Variants in NRP1 observed in about 807,000 individuals in gnomAD.
NRP1 encodes neuropilin-1.
A neutral mutation model predicts 106.7 loss-of-function variants in NRP1; 35 were observed. The observed-to-expected ratio is 0.33, with a 90% CI of 0.25 to 0.43. The LOEUF is 0.43. NRP1 is among the 20% of genes least tolerant of loss of function. The pLI, the probability that NRP1 is intolerant of heterozygous loss-of-function variation, is 1.00. For synonymous variants in NRP1, 437 were observed against 417.9 expected (o/e 1.05, Z -0.56); for missense variants, 1,024 against 1,170.4 (o/e 0.87, Z 1.83).
chr10:33,253,989 T>C (rs763474263), intron 6 of NRP1, 39 bp downstream of exon 6: 1 of 1,556,344 alleles, frequency 6.4e-7, no homozygotes, highest in East Asian at 2.3e-5. Flanking sequence ...GGTCAAAAAC[T>C]TATTCAATCC....
At chr10:33,277,839 A>G (rs1257738707) in intron 2 of NRP1, among the ~76,000 whole-genome samples, 5 of 152,244 alleles carry the variant, frequency 3.3e-5, no homozygotes, top group African/African-American at 1.2e-4. Flanking sequence ...TTTCCTATAT[A>G]TATTTTTCAC....
At chr10:33,203,789 G>A (rs540193294) in intron 10 of NRP1, among the ~76,000 whole-genome samples, 3 of 75,986 alleles carry the variant, frequency 3.9e-5, no homozygotes, top group Non-Finnish European at 5.6e-5. Flanking sequence ...GCCGGACTGC[G>A]GACTGCAGTG....
chr10:33,248,098 G>T (rs35359173), intron 6 of NRP1, among the ~76,000 whole-genome samples: 26,816 of 152,114 alleles, frequency 0.18, 2,793 homozygotes, highest in East Asian at 0.51. Context: ...GACCAGCCTG[G>T]CCAACATGGG....
chr10:33,238,241 T>A (rs1420041272), intron 6 of NRP1, among the ~76,000 whole-genome samples: 2 of 152,246 alleles, frequency 1.3e-5, no homozygotes, highest in Non-Finnish European at 2.9e-5. Flanking sequence ...TCTGTGGATG[T>A]CTACATTTAA....
chr10:33,315,010 T>C (rs1222605521), intron 2 of NRP1, among the ~76,000 whole-genome samples: 4 of 152,208 alleles, frequency 2.6e-5, no homozygotes, highest in African/African-American at 9.7e-5. Flanking sequence ...AGCCCAGATG[T>C]GAATATACAA....
At chr10:33,236,918 G>A (rs963499577) in intron 6 of NRP1, among the ~76,000 whole-genome samples, 4 of 152,092 alleles carry the variant, frequency 2.6e-5, no homozygotes, top group African/African-American at 4.8e-5. Flanking sequence ...TAACTGTCCC[G>A]CAGACAGGTT....
intron 2 of NRP1, among the ~76,000 whole-genome samples, chr10:33,326,445 C>CA (rs1456106908): frequency 6.6e-6 from 1 of 152,014 alleles, no homozygotes. Flanking sequence ...ATTTTGCTGG[C>CA]AAAAAAGAAA....
chr10:33,309,932 C>T (rs1206751479), intron 2 of NRP1, among the ~76,000 whole-genome samples: 1 of 150,062 alleles, frequency 6.7e-6, no homozygotes, highest in Non-Finnish European at 1.5e-5. Context: ...ATAGGACCTA[C>T]TCTCTTGCTG....
Position 33,179,761 on chromosome 10 carries a change from G to C in NRP1, c.*315C>G, listed in dbSNP as rs1255537263. 3.5e-6 allele frequency: 1 copy of C among 285,276 alleles called. No individual in the cohort carries two copies. Among genetic ancestry groups the C allele is most frequent in the Non-Finnish European group, 6.6e-6 (1 of 151,350 alleles). 17.7% of individuals were successfully genotyped at this position (285,276 alleles called of 1,614,324 possible). A position where few individuals can be genotyped will look rare whatever the true frequency, so the allele number is the denominator to read the frequency against. On this transcript the variant is annotated 3_prime_UTR_variant, in exon 17 of 17. Coordinates refer to ENST00000374867, the MANE Select transcript of NRP1 (RefSeq NM_003873.7). Reference sequence around the variant, plus strand: ...TCAGTTTCCAAAAAGAATCCACAAAGGGGAGAGGAGAGAGAGAGAGAGGGG... The same window carrying C: ...TCAGTTTCCAAAAAGAATCCACAAACGGGAGAGGAGAGAGAGAGAGAGGGG...
In NRP1 at chr10:33,226,160, T is replaced by C. The variant is rs766440717; in HGVS notation, c.1111A>G (p.Thr371Ala). 9 of 1,614,096 alleles carry C rather than the reference T, an allele frequency of 5.6e-6. No homozygotes were observed. The highest frequency in any genetic ancestry group is 6.8e-6 in the Non-Finnish European group (8 of 1,180,026). The change falls in exon 7 of 17, where the codon ACC (threonine) becomes GCC (alanine). Residue 371 changes from threonine (T) to alanine (A), a missense_variant. Thr to Ala is a moderately conservative substitution (Grantham distance 58). Coordinates refer to ENST00000374867, the MANE Select transcript of NRP1 (RefSeq NM_003873.7). ...DVSSNGEDWI[T>A]IKEGNKPVLF... Reference sequence around the variant, plus strand: ...ACAGGTTTGTTTCCTTCTTTTATGGTGATCCAGTCTTCCCCGTTGGAGCTA... The same window carrying C: ...ACAGGTTTGTTTCCTTCTTTTATGGCGATCCAGTCTTCCCCGTTGGAGCTA...
At chr10:33,201,009 G>A (rs1837259493) in intron 11 of NRP1, 1 of 152,090 alleles carries the variant, frequency 6.6e-6, no homozygotes, top group Non-Finnish European at 1.5e-5. Flanking sequence ...GCTGATCTGG[G>A]AATAACTCTT....
At chr10:33,183,035 A>G (rs1355336547) in intron 15 of NRP1, among the ~76,000 whole-genome samples, 1 of 152,200 alleles carries the variant, frequency 6.6e-6, no homozygotes, top group Non-Finnish European at 1.5e-5. Context: ...CTGTTGTTTT[A>G]GGAGACAAGG....
intron 16 of NRP1, among the ~76,000 whole-genome samples, chr10:33,181,462 C>G (rs936367766): frequency 6.6e-6 from 1 of 152,118 alleles, no homozygotes; most frequent in East Asian, 1.9e-4. Context: ...GAGTAGGATC[C>G]CATTTCTAAG....
chr10:33,191,786 G>A (rs1405432433), intron 13 of NRP1, among the ~76,000 whole-genome samples: 9 of 151,910 alleles, frequency 5.9e-5, no homozygotes, highest in Non-Finnish European at 7.4e-5. Context: ...AGACCAGCCC[G>A]GCCAATGTGG....
chr10:33,267,905 T>C lies in NRP1; in HGVS notation c.430+2770A>G, dbSNP rs143243090. 2.0e-3 allele frequency among the ~76,000 whole-genome samples: 297 copies of C among 152,242 alleles called. 1 individual carries two copies. Among genetic ancestry groups the C allele is most frequent in the African/African-American group, 6.8e-3 (281 of 41,550 alleles). On this transcript the variant is annotated intron_variant, in intron 3 of 16. Coordinates refer to ENST00000374867, the MANE Select transcript of NRP1 (RefSeq NM_003873.7). ...TCAGGCAAAGATGACCCTGGAGCAA[T>C]GCAACCCGGGGACTCTGGAATGGCC...
chr10:33,289,404 G>C (rs1844820712), intron 2 of NRP1, among the ~76,000 whole-genome samples: 1 of 152,220 alleles, frequency 6.6e-6, no homozygotes, highest in African/African-American at 2.4e-5. Context: ...ATCCCTAGGT[G>C]CTTATATCAA....
chr10:33,202,711 A>T, intron 11 of NRP1, 180 bp downstream of exon 11: 1 of 1,552,344 alleles, frequency 6.4e-7, no homozygotes, highest in Admixed American at 2.0e-5. Context: ...GCTATTAAGA[A>T]CAACTCATCT....
chr10:33,240,012 T>C (rs1369307466), intron 6 of NRP1, among the ~76,000 whole-genome samples: 1 of 152,230 alleles, frequency 6.6e-6, no homozygotes, highest in African/African-American at 2.4e-5. Flanking sequence ...GTTGTTGGAA[T>C]TGGAGCTTTC....
chr10:33,318,468 T>C (rs1319554346), intron 2 of NRP1, among the ~76,000 whole-genome samples: 1 of 152,036 alleles, frequency 6.6e-6, no homozygotes, highest in African/African-American at 2.4e-5. Context: ...AACAGACACA[T>C]CAGTTTGCTA....
Sources: allele counts gnomAD v4.1 joint callset (sites outside exome capture counted in the v4.1 genomes callset), GRCh38; gene constraint gnomAD v4.1.1; transcripts MANE v1.5; gene names NCBI Gene and HGNC (gene_info 2026-07-23, HGNC 2026-07-21).